The following PLEKHA7 variants were observed in gnomAD, a reference collection of about 807,000 sequenced individuals.
The protein encoded by PLEKHA7 is pleckstrin homology domain-containing family A member 7.
A neutral mutation model predicts 170.0 loss-of-function variants in PLEKHA7; 104 were observed. The observed-to-expected ratio is 0.61, with a 90% confidence interval of 0.52 to 0.72. The LOEUF (loss-of-function observed/expected upper bound fraction) is 0.72, where lower values mean the gene tolerates loss of function less well. Ranked by LOEUF, PLEKHA7 falls within the 30% of genes least tolerant of loss-of-function variation. The pLI is 0.00. For synonymous variants in PLEKHA7, 648 were observed against 660.8 expected (o/e 0.98, Z 0.30); for missense variants, 1,615 against 1,671.7 (o/e 0.97, Z 0.59).
At chr11:16,861,469 T>G (rs543792606) in intron 4 of PLEKHA7, among the ~76,000 whole-genome samples, 37 of 151,796 alleles carry the variant, frequency 2.4e-4, no homozygotes, top group East Asian at 1.9e-4. Flanking sequence ...GGCAACATAA[T>G]GAGACCCCGT....
intron 24 of PLEKHA7, 30 bp from the exon 25 acceptor site, chr11:16,783,863 A>C (rs1442421557): frequency 7.1e-7 from 1 of 1,414,120 alleles, no homozygotes; most frequent in Non-Finnish European, 9.2e-7. Flanking sequence ...TGGCAGAGGG[A>C]GAGGCTCAGA....
chr11:16,779,272 ACT>A (rs1187097217), intron 26 of PLEKHA7, among the ~76,000 whole-genome samples: 3 of 151,818 alleles, frequency 2.0e-5, no homozygotes, highest in Non-Finnish European at 4.4e-5. Context: ...CAGGGCAAAG[ACT>A]CTAATAAAGG....
intron 26 of PLEKHA7, among the ~76,000 whole-genome samples, chr11:16,779,986 G>C (rs1016927473): frequency 2.0e-5 from 3 of 146,896 alleles, no homozygotes; most frequent in Admixed American, 6.8e-5. Context: ...GGGGAGGGGG[G>C]GGGGAATATC....
At chr11:16,827,327 G>C (rs948218722) in intron 9 of PLEKHA7, among the ~76,000 whole-genome samples, 1 of 152,238 alleles carries the variant, frequency 6.6e-6, no homozygotes, top group Non-Finnish European at 1.5e-5. Flanking sequence ...ATTCTGTGAA[G>C]TATTATTAGT....
chr11:16,920,199 C>A (rs1392038848), intron 3 of PLEKHA7, among the ~76,000 whole-genome samples: 1 of 152,252 alleles, frequency 6.6e-6, no homozygotes, highest in Non-Finnish European at 1.5e-5. Context: ...GTTGAGTACA[C>A]ATCTGCCTCT....
In PLEKHA7 at chr11:16,807,257, C is replaced by T. The variant is rs551224850; in HGVS notation, c.2008-3962G>A. 527 of 921,594 alleles carry T rather than the reference C, an allele frequency of 5.7e-4. 2 individuals carry two copies. Among genetic ancestry groups the T allele is most frequent in the African/African-American group, 1.2e-3 (68 of 55,900 alleles). 57.1% of individuals were successfully genotyped at this position (921,594 alleles called of 1,614,324 possible). On this transcript the variant is annotated intron_variant, in intron 13 of 26. Transcript: ENST00000531066. ...AAACAAAAAGGCAGATACAACAAAA[C>T]GTAACAGGTGAGACATCAAATGACA...
intron 9 of PLEKHA7, among the ~76,000 whole-genome samples, chr11:16,829,995 C>T (rs387803): frequency 0.66 from 98,545 of 150,292 alleles, 32,472 homozygotes; most frequent in East Asian, 0.87. Context: ...TTTTCTTTTT[C>T]TGATACAGGG....
chr11:16,981,267 T>C (rs1330352951), intron 3 of PLEKHA7, among the ~76,000 whole-genome samples: 2 of 152,210 alleles, frequency 1.3e-5, no homozygotes, highest in Non-Finnish European at 2.9e-5. Flanking sequence ...GAGTACTTCA[T>C]ATATGTTAAT....
At chr11:16,906,603 G>A (rs10832698) in intron 3 of PLEKHA7, among the ~76,000 whole-genome samples, 44,269 of 133,752 alleles carry the variant, frequency 0.33, 9,783 homozygotes, top group East Asian at 0.66. Flanking sequence ...GATGGCAGAC[G>A]GAGTCGCGTT....
At chr11:16,990,839 T>C (rs1864002011) in intron 3 of PLEKHA7, among the ~76,000 whole-genome samples, 1 of 152,200 alleles carries the variant, frequency 6.6e-6, no homozygotes, top group Non-Finnish European at 1.5e-5. Context: ...ACAGCTTAGC[T>C]GCAACTCTAC....
At position 16,841,539 on chromosome 11, in the gene PLEKHA7, G is replaced by A. The variant is rs1415472702; in HGVS notation, c.872+8C>T. 3 of 1,611,812 alleles carry A rather than the reference G, an allele frequency of 1.9e-6. No homozygotes were observed. ...GTGCTGTGGCAGGGACCCTCCATCA[G>A]AACTAACCTCTTCAGTGACGATCGA... is the stretch of plus-strand genomic sequence containing the variant. On this transcript the variant is annotated splice_region_variant and intron_variant, in intron 9 of 26. Transcript: ENST00000531066.
chr11:16,852,476 T>C (rs1853055765), intron 6 of PLEKHA7, 121 bp from the exon 7 acceptor site: 1 of 681,930 alleles, frequency 1.5e-6, no homozygotes, highest in Admixed American at 2.6e-5. Flanking sequence ...TTTTAATAAA[T>C]TACCATTTTA....
At chr11:16,818,034 CA>C (rs1224149700) in intron 10 of PLEKHA7, among the ~76,000 whole-genome samples, 1 of 152,118 alleles carries the variant, frequency 6.6e-6, no homozygotes, top group African/African-American at 2.4e-5. Context: ...GCCTAGGGCC[CA>C]AAACTGAAGG....
At chr11:16,864,842 A>C (rs1020242937) in intron 4 of PLEKHA7, among the ~76,000 whole-genome samples, 1 of 152,220 alleles carries the variant, frequency 6.6e-6, no homozygotes, top group Admixed American at 6.5e-5. Flanking sequence ...ATGAGAACAG[A>C]CTAATACAGT....
At chr11:16,941,783 C>A (rs1309526958) in intron 3 of PLEKHA7, among the ~76,000 whole-genome samples, 2 of 152,092 alleles carry the variant, frequency 1.3e-5, no homozygotes, top group Non-Finnish European at 2.9e-5. Flanking sequence ...GTACTTAAAA[C>A]CTTAAAAAAA....
Position 16,841,637 on chromosome 11 carries a change from T to C in PLEKHA7, c.782A>G (p.Tyr261Cys), listed in dbSNP as rs1851969316. 1.2e-6 allele frequency: 2 copies of C among 1,614,062 alleles called. No homozygotes were observed. Among genetic ancestry groups the C allele is most frequent in the Non-Finnish European group, 1.7e-6 (2 of 1,180,022 alleles). The part of the protein sequence containing the change: ...QAEQSGMRTY[Y>C]FSADTQEDMN... ...GTCCTCCTGGGTGTCGGCACTGAAG[T>C]AGTAGGTCCTCATGCCTGACTGCTC... The change falls in exon 9 of 27, where the codon TAC becomes TGC. Residue 261 changes from tyrosine to cysteine, a missense_variant. Physicochemically the swap from Tyr to Cys is radical, Grantham distance 194. Coordinates refer to ENST00000531066, the MANE Select transcript of PLEKHA7 (RefSeq NM_001329630.2).
chr11:16,849,384 T>C (rs1202858724), intron 8 of PLEKHA7, among the ~76,000 whole-genome samples: 4 of 152,166 alleles, frequency 2.6e-5, no homozygotes, highest in African/African-American at 9.7e-5. Flanking sequence ...TTTGCCCAAC[T>C]GGGCAGTGCT....
chr11:16,827,106 A>T (rs530422426), intron 9 of PLEKHA7, among the ~76,000 whole-genome samples: 1 of 152,176 alleles, frequency 6.6e-6, no homozygotes, highest in Non-Finnish European at 1.5e-5. Flanking sequence ...CAATTTGTCC[A>T]TTTGGGGCTT....
chr11:16,965,975 G>C (rs1437929119), intron 3 of PLEKHA7, among the ~76,000 whole-genome samples: 1 of 152,144 alleles, frequency 6.6e-6, no homozygotes, highest in African/African-American at 2.4e-5. Context: ...CTGAGGTCAG[G>C]AGTTCGAGAC....
Sources: gnomAD v4.1 joint callset for allele counts (sites outside exome capture counted in the v4.1 genomes callset) on GRCh38, gnomAD v4.1.1 for gene constraint, MANE v1.5 for transcripts, NCBI Gene and HGNC (gene_info 2026-07-23, HGNC 2026-07-21) for gene names.